Variants in DMD observed in about 807,000 individuals in gnomAD.
DMD encodes the protein dystrophin.
DMD carries 63 observed loss-of-function variants against 330.1 expected under a neutral mutation model. That is an observed-to-expected ratio of 0.19 (90% CI 0.16 to 0.24). DMD has a LOEUF of 0.24. Among genes scored for constraint, DMD ranks in the 10% least tolerant of loss-of-function variants. The pLI, the probability that DMD is intolerant of heterozygous loss-of-function variation, is 1.00. For synonymous variants in DMD, 1,223 were observed against 959.8 expected (o/e 1.27, Z -5.07); for missense variants, 3,344 against 2,684.1 (o/e 1.25, Z -5.43).
At chrX:33,064,077 C>A (rs2094614600) in intron 1 of DMD, among the ~76,000 whole-genome samples, 1 of 111,148 alleles carries the variant, frequency 9.0e-6, no homozygotes, top group African/African-American at 3.3e-5. Context: ...TAGATTCATG[C>A]CCATATATAC....
chrX:31,146,715 CTA>C (rs1382932418), intron 75 of DMD, among the ~76,000 whole-genome samples: 1 of 112,000 alleles, frequency 8.9e-6, no homozygotes, highest in Non-Finnish European at 1.9e-5. Context: ...AATGATGAGA[CTA>C]TGTGAGATCT....
At chrX:31,552,158 C>T (rs1250435364) in intron 55 of DMD, among the ~76,000 whole-genome samples, 3 of 111,768 alleles carry the variant, frequency 2.7e-5, no homozygotes, top group Non-Finnish European at 5.6e-5. Context: ...CTGCTAGATC[C>T]TCTTTTCAGA....
chrX:32,851,173 C>T (rs1251173591), intron 2 of DMD, among the ~76,000 whole-genome samples: 1 of 111,066 alleles, frequency 9.0e-6, no homozygotes, highest in Non-Finnish European at 1.9e-5. Context: ...ATCCCTTAAA[C>T]TTCCACGATT....
chrX:33,005,779 A>AAT (rs960130340), intron 2 of DMD, among the ~76,000 whole-genome samples: 1 of 111,024 alleles, frequency 9.0e-6, no homozygotes, highest in African/African-American at 3.3e-5. Context: ...AGACAAAGAA[A>AAT]ATAGACATAT....
chrX:31,403,889 A>C (rs942208979), intron 60 of DMD, among the ~76,000 whole-genome samples: 4 of 111,884 alleles, frequency 3.6e-5, no homozygotes, highest in African/African-American at 1.3e-4. Flanking sequence ...ATTTACACCA[A>C]ACAGTTTAGG....
intron 44 of DMD, among the ~76,000 whole-genome samples, chrX:32,146,357 A>G (rs1265378670): frequency 1.8e-5 from 2 of 111,594 alleles, no homozygotes; most frequent in Non-Finnish European, 3.8e-5. Flanking sequence ...GGAGAGGGAA[A>G]GGGAAAGGGA....
chrX:32,776,490 C>T (rs902157769), intron 7 of DMD, among the ~76,000 whole-genome samples: 6 of 111,386 alleles, frequency 5.4e-5, no homozygotes, highest in African/African-American at 1.6e-4. Flanking sequence ...GGTGGGGAGG[C>T]CCCCAGGAAA....
chrX:32,284,582 C>A (rs1431322590), intron 43 of DMD, among the ~76,000 whole-genome samples: 4 of 111,838 alleles, frequency 3.6e-5, no homozygotes, highest in African/African-American at 1.3e-4. Flanking sequence ...AAGCTCCCCA[C>A]ATATATTGTG....
intron 72 of DMD, among the ~76,000 whole-genome samples, chrX:31,172,965 TG>T (rs994028148): frequency 1.8e-5 from 2 of 111,937 alleles, no homozygotes; most frequent in African/African-American, 3.2e-5. Context: ...TTTGTTTGTT[TG>T]TTTTTTTACA....
rs775175547 is a variant in DMD, at chrX:32,444,787, C to A, written c.3787-3473G>T. ...TAGTTAGGCAATTCTTCTTTCTCACCCTTTTATGGGGATAGGTAGGGTAAA... is the reference window on the plus strand; with the variant it reads ...TAGTTAGGCAATTCTTCTTTCTCACACTTTTATGGGGATAGGTAGGGTAAA... On this transcript the variant is annotated intron_variant, in intron 27 of 78. Coordinates refer to ENST00000357033, the MANE Select transcript of DMD (RefSeq NM_004006.3). Among the ~76,000 whole-genome samples, 3 of 110,452 alleles carry A rather than the reference C, an allele frequency of 2.7e-5. 1 individual carries two copies. The South Asian group carries it at 1.1e-3, about 42-fold the overall frequency.
chrX:31,341,493 T>C (rs927850001), intron 61 of DMD, among the ~76,000 whole-genome samples: 1 of 112,240 alleles, frequency 8.9e-6, no homozygotes, highest in African/African-American at 3.2e-5. Context: ...CCGCTATCGA[T>C]ACCATTTTGA....
intron 60 of DMD, among the ~76,000 whole-genome samples, chrX:31,383,237 C>G (rs1178036163): frequency 3.6e-5 from 4 of 111,347 alleles, no homozygotes; most frequent in Non-Finnish European, 3.8e-5. Context: ...CTACCCAAAT[C>G]TTATAGAACG....
intron 7 of DMD, chrX:32,754,969 T>C (rs1191575464): frequency 9.0e-6 from 1 of 111,534 alleles, no homozygotes. Context: ...ATCCTTTTCA[T>C]CTGGCTCCTT....
chrX:32,538,914 G>T (rs1344022497), intron 17 of DMD, among the ~76,000 whole-genome samples: 2 of 109,895 alleles, frequency 1.8e-5, no homozygotes, highest in African/African-American at 6.6e-5. Flanking sequence ...TTCTGATTCA[G>T]CAGGTTTGGG....
chrX:32,443,301 T>A (rs764390106), intron 27 of DMD, among the ~76,000 whole-genome samples: 1 of 111,199 alleles, frequency 9.0e-6, no homozygotes, highest in South Asian at 3.7e-4. Context: ...ATGAAAAGTA[T>A]CAGTCTCACC....
chrX:32,146,442 G>A (rs1448097006), intron 44 of DMD, among the ~76,000 whole-genome samples: 6 of 111,086 alleles, frequency 5.4e-5, no homozygotes, highest in African/African-American at 2.0e-4. Flanking sequence ...GAAGGAGACA[G>A]GTAGACAGCC....
At chrX:32,416,178 GA>G (rs745897398) in intron 29 of DMD, among the ~76,000 whole-genome samples, 17 of 111,191 alleles carry the variant, frequency 1.5e-4, no homozygotes, top group African/African-American at 4.9e-4. Flanking sequence ...AGCCAAATTA[GA>G]AAAAAAATCA....
chrX:32,896,243 C>T (rs1172503185), intron 2 of DMD, among the ~76,000 whole-genome samples: 1 of 111,365 alleles, frequency 9.0e-6, no homozygotes, highest in Non-Finnish European at 1.9e-5. Flanking sequence ...ATGATCAAAT[C>T]CCTCTTGATT....
intron 56 of DMD, among the ~76,000 whole-genome samples, chrX:31,502,959 C>T (rs1452021142): frequency 3.6e-5 from 4 of 111,655 alleles, no homozygotes; most frequent in Admixed American, 1.9e-4. Flanking sequence ...ATAATTTTCT[C>T]TTTTTCTCCC....
Sources: gnomAD v4.1 joint callset for allele counts (sites outside exome capture counted in the v4.1 genomes callset) on GRCh38, gnomAD v4.1.1 for gene constraint, MANE v1.5 for transcripts, NCBI Gene and HGNC (gene_info 2026-07-23, HGNC 2026-07-21) for gene names.